The following CIITA variants were observed in gnomAD, a reference collection of about 807,000 sequenced individuals.
The protein encoded by CIITA is MHC class II transactivator.
In CIITA, 72 loss-of-function variants were observed where a neutral mutation model predicts 115.1. The observed-to-expected ratio is 0.63, with a 90% CI of 0.52 to 0.76. The LOEUF is 0.76. CIITA is among the 30% of genes least tolerant of loss of function. The pLI is 0.00. For missense variants in CIITA, 1,617 were observed against 1,463.8 expected (o/e 1.10, Z -1.71); for synonymous variants, 763 against 635.6 (o/e 1.20, Z -3.02).
intron 1 of CIITA, among the ~76,000 whole-genome samples, chr16:10,866,826 A>C (rs1226326575): frequency 6.6e-6 from 1 of 152,042 alleles, no homozygotes; most frequent in East Asian, 1.9e-4. Flanking sequence ...GCTTGGGTTC[A>C]CTCCCTGAGC....
intron 1 of CIITA, among the ~76,000 whole-genome samples, chr16:10,884,043 C>G (rs1596451935): frequency 6.6e-6 from 1 of 152,196 alleles, no homozygotes; most frequent in Non-Finnish European, 1.5e-5. Context: ...TGAGGGTTTA[C>G]TCTTGGTGTT....
chr16:10,892,697 C>T (rs2037717212), intron 1 of CIITA, among the ~76,000 whole-genome samples: 1 of 152,208 alleles, frequency 6.6e-6, no homozygotes, highest in South Asian at 2.1e-4. Flanking sequence ...CTTTGGGAAG[C>T]TGAGATTGGA....
At chr16:10,891,531 A>G (rs2037580419) in intron 1 of CIITA, among the ~76,000 whole-genome samples, 1 of 152,222 alleles carries the variant, frequency 6.6e-6, no homozygotes, top group Non-Finnish European at 1.5e-5. Flanking sequence ...GTCCAAAGTC[A>G]CACAACTCAT....
Position 10,907,933 on chromosome 16 carries a change from A to G in CIITA, c.2441A>G (p.His814Arg). 2 of 1,564,654 alleles carry G rather than the reference A, an allele frequency of 1.3e-6. No homozygotes were observed. The highest frequency in any genetic ancestry group is 8.6e-7 in the Non-Finnish European group (1 of 1,156,896). ...RQLLELLHCA[H>R]EAEEAGIWQH... The stretch of plus-strand genomic sequence containing the variant: ...CTGCTGGAGCTGCTGCACTGCGCCC[A>G]CGAGGCCGAGGAGGCTGGAATTTGG... Residue 814 changes from histidine (H) to arginine (R), a missense_variant, in exon 11 of 20, where the codon CAC becomes CGC. By Grantham distance (29) the His-to-Arg change is conservative. Coordinates refer to ENST00000324288, the MANE Select transcript of CIITA (RefSeq NM_000246.4). This position sits in a 1 kb window ranked among gnomAD's most constrained non-coding sequence, Gnocchi z 5.0.
At position 10,895,403 on chromosome 16, in the gene CIITA, A is replaced by T. The variant is rs759412177; in HGVS notation, c.174A>T (p.Gly58=). The T allele has an allele frequency of 1.2e-6, 2 of 1,613,936 alleles. No individual in the cohort carries two copies. Among genetic ancestry groups the T allele is most frequent in the East Asian group, 4.5e-5 (2 of 44,872 alleles). ...TCTATGACCAGATGGACCTGGCTGGAGAAGAAGAGATTGAGCTCTACTCAG... is the reference window on the plus strand; with the variant it reads ...TCTATGACCAGATGGACCTGGCTGGTGAAGAAGAGATTGAGCTCTACTCAG... ...YHFYDQMDLA[G]EEEIELYSEP... Residue 58 remains glycine (G), a synonymous_variant, in exon 2 of 20, where the codon GGA becomes GGT. Transcript: ENST00000324288.
Position 10,901,002 on chromosome 16 carries a change from C to T in CIITA, c.437-512C>T, listed in dbSNP as rs977965771. On this transcript the variant is annotated intron_variant, in intron 5 of 19. Coordinates refer to ENST00000324288, the MANE Select transcript of CIITA (RefSeq NM_000246.4). This position sits in a 1 kb window ranked among gnomAD's most constrained non-coding sequence, Gnocchi z 6.8. ...ACTTCAGCATCCTTTCTTTTAAGGCCATGCAGTGTTTCGTTGGGTAGATGA... is the reference window on the plus strand; with the variant it reads ...ACTTCAGCATCCTTTCTTTTAAGGCTATGCAGTGTTTCGTTGGGTAGATGA... Among the ~76,000 whole-genome samples the T allele has an allele frequency of 1.3e-5, 2 of 152,108 alleles. No individual in the cohort carries two copies. The highest frequency in any genetic ancestry group is 2.9e-5 in the Non-Finnish European group (2 of 68,026).
At chr16:10,876,398 A>G (rs949414289), upstream of CIITA, among the ~76,000 whole-genome samples, 3 of 152,350 alleles carry the variant, frequency 2.0e-5, no homozygotes, top group East Asian at 5.8e-4. Context: ...TTTAACAAGA[A>G]AGCAGAGTGA....
At chr16:10,888,566 C>A (rs2037194535) in intron 1 of CIITA, 1 of 152,260 alleles carries the variant, frequency 6.6e-6, no homozygotes, top group Non-Finnish European at 1.5e-5. Flanking sequence ...TACACTTAGC[C>A]TTTCAAATCC....
rs757999354 is a variant in CIITA at position 10,906,908 on chromosome 16, G to T, written c.1416G>T (p.Leu472=). 6.8e-6 allele frequency: 11 copies of T among 1,613,490 alleles called. No homozygotes were observed. In the East Asian group the frequency reaches 2.5e-4, roughly 36 times the overall value. ...GCCTGCAGGATCTGCTCTTCTCCCT[G>T]GGCCCACAGCCACTCGTGGCGGCCG... ...AYGLQDLLFS[L]GPQPLVAADE... is the part of the protein sequence containing the mutation. The change falls in exon 11 of 20, where the codon CTG becomes CTT. Residue 472 remains leucine, a synonymous_variant. Transcript: ENST00000324288.
chr16:10,885,136 C>A (rs1300411052), intron 1 of CIITA, among the ~76,000 whole-genome samples: 1 of 152,124 alleles, frequency 6.6e-6, no homozygotes, highest in Non-Finnish European at 1.5e-5. Context: ...GATTTAGACA[C>A]ACACACACTT....
rs1367767448 is a variant in CIITA at position 10,941,958 on chromosome 16, CA to C, written n.1085del. On this transcript the variant is annotated non_coding_transcript_exon_variant, in exon 2 of 2. Coordinates refer to the CIITA transcript ENST00000573379. This position sits in a 1 kb window ranked among gnomAD's most constrained non-coding sequence, Gnocchi z 6.4. ...GCAGCGGCGGCGGCACGTAGGGGAC[CA>C]GGGGGCCCAGTGCGTCCAGGTGGGC... The C allele has an allele frequency of 5.7e-6, 9 of 1,566,322 alleles. No individual in the cohort carries two copies. The highest frequency in any genetic ancestry group is 6.1e-6 in the Non-Finnish European group (7 of 1,156,808).
In CIITA at chr16:10,901,728, C is replaced by A; in HGVS notation, c.481+170C>A. On this transcript the variant is annotated intron_variant, in intron 6 of 19. Coordinates refer to ENST00000324288, the MANE Select transcript of CIITA (RefSeq NM_000246.4). This position sits in a 1 kb window ranked among gnomAD's most constrained non-coding sequence, Gnocchi z 6.8. ...GTCCCTTAGAGTCCTCTAAGGGGCT[C>A]ACGACTGTTTGTGGAAGGTGGTAGG... 1 of 727,908 alleles carries A rather than the reference C, an allele frequency of 1.4e-6. No individual in the cohort carries two copies. Among genetic ancestry groups the A allele is most frequent in the Non-Finnish European group, 2.3e-6 (1 of 432,584 alleles). 45.1% of individuals were successfully genotyped at this position (727,908 alleles called of 1,614,324 possible).
intron 1 of CIITA, among the ~76,000 whole-genome samples, chr16:10,872,124 A>AT (rs953017413): frequency 4.0e-5 from 6 of 148,432 alleles, no homozygotes; most frequent in South Asian, 2.1e-4. Context: ...CTTTTTTTTA[A>AT]TTTTTTTTGG....
At chr16:10,916,676 T>A in intron 15 of CIITA, 1 of 583,842 alleles carries the variant, frequency 1.7e-6, no homozygotes, top group Non-Finnish European at 3.1e-6. Flanking sequence ...TAGGTGTGAC[T>A]TACCATGCCC....
upstream of CIITA, among the ~76,000 whole-genome samples, chr16:10,873,871 G>A (rs573976990): frequency 1.4e-4 from 21 of 152,228 alleles, no homozygotes; most frequent in African/African-American, 4.6e-4. Context: ...CAGGGGTCCC[G>A]TCTCAGGAGA....
upstream of CIITA, among the ~76,000 whole-genome samples, chr16:10,875,213 C>A (rs2035751509): frequency 6.6e-6 from 1 of 152,168 alleles, no homozygotes; most frequent in Admixed American, 6.5e-5. Context: ...CCCACCTCAG[C>A]CTCCCAAAGG....
At chr16:10,903,957 T>C (rs1418679805) in intron 9 of CIITA, 62 bp downstream of exon 9, 22 of 1,607,404 alleles carry the variant, frequency 1.4e-5, no homozygotes, top group Non-Finnish European at 1.7e-5. Context: ...GGGGAAGGAA[T>C]TGTCTCAAAT....
At position 10,901,061 on chromosome 16, in the gene CIITA, G is replaced by A. The variant is rs917320557; in HGVS notation, c.437-453G>A. On this transcript the variant is annotated intron_variant, in intron 5 of 19. Transcript: ENST00000324288. The surrounding 1 kb of genome is among the most constrained non-coding windows in gnomAD (Gnocchi z 6.8). ...TTGTTTAAGCAGTCCCTTGCTAAGGGACACGTGGGTTTTTAATCTGTTGCT... is the reference window on the plus strand; with the variant it reads ...TTGTTTAAGCAGTCCCTTGCTAAGGAACACGTGGGTTTTTAATCTGTTGCT... 2.0e-5 allele frequency among the ~76,000 whole-genome samples: 3 copies of A among 152,118 alleles called. No homozygotes were observed. Among genetic ancestry groups the A allele is most frequent in the Non-Finnish European group, 4.4e-5 (3 of 68,020 alleles).
At chr16:10,902,316 C>A (rs547660684) in intron 7 of CIITA, 132 bp downstream of exon 7, 8 of 1,336,366 alleles carry the variant, frequency 6.0e-6, no homozygotes, top group Middle Eastern at 3.6e-4. Flanking sequence ...CTCACCTCTG[C>A]CCCAGCCAGT....
Sources: allele counts gnomAD v4.1 joint callset (sites outside exome capture counted in the v4.1 genomes callset), GRCh38; gene constraint gnomAD v4.1.1; non-coding constraint Gnocchi (gnomAD v3.1); transcripts MANE v1.5; gene names NCBI Gene and HGNC (gene_info 2026-07-23, HGNC 2026-07-21).